FOXN3: variants seen among roughly 807,000 people sequenced by gnomAD.
FOXN3 encodes the protein forkhead box N3, also known as forkhead box protein N3.
FOXN3 carries 7 observed loss-of-function variants against 38.4 expected under a neutral mutation model. The observed-to-expected ratio is 0.18, with a 90% confidence interval of 0.10 to 0.34. The LOEUF (loss-of-function observed/expected upper bound fraction) is 0.34. Ranked by LOEUF, FOXN3 falls within the 10% of genes least tolerant of loss-of-function variation. FOXN3 has a pLI of 1.00. For missense variants in FOXN3, 456 were observed against 613.4 expected, an observed-to-expected ratio of 0.74 and a Z score of 2.71; for synonymous variants, 230 against 242.2, an observed-to-expected ratio of 0.95 and a Z score of 0.47.
chr14:89,462,679 CTCT>C (rs1195134389), intron 1 of FOXN3, among the ~76,000 whole-genome samples: 46 of 151,476 alleles, frequency 3.0e-4, no homozygotes, highest in East Asian at 2.2e-3. Context: ...GTCTCTCTTC[CTCT>C]TCTTCTTTTT....
chr14:89,233,710 T>G (rs1342410922), intron 4 of FOXN3, among the ~76,000 whole-genome samples: 1 of 152,250 alleles, frequency 6.6e-6, no homozygotes, highest in Admixed American at 6.5e-5. Context: ...GAAATCTCAG[T>G]GATCTGGATG....
At chr14:89,476,576 G>A (rs143879057) in intron 1 of FOXN3, among the ~76,000 whole-genome samples, 98 of 152,338 alleles carry the variant, frequency 6.4e-4, no homozygotes, top group Non-Finnish European at 1.1e-3. Context: ...ACATCAGAGT[G>A]AGAGAGAAAT....
chr14:89,182,967 A>G (rs992159692), intron 4 of FOXN3, among the ~76,000 whole-genome samples: 36 of 152,234 alleles, frequency 2.4e-4, no homozygotes, highest in African/African-American at 8.4e-4. Context: ...TTAGAAATGG[A>G]TCATACACCT....
At chr14:89,445,733 T>C (rs961205188) in intron 1 of FOXN3, among the ~76,000 whole-genome samples, 2 of 152,030 alleles carry the variant, frequency 1.3e-5, no homozygotes, top group Non-Finnish European at 2.9e-5. Context: ...TCTCCCACAC[T>C]GTGTGGAGGA....
intron 1 of FOXN3, among the ~76,000 whole-genome samples, chr14:89,497,947 C>A (rs1202372256): frequency 6.6e-6 from 1 of 151,654 alleles, no homozygotes; most frequent in East Asian, 1.9e-4. Flanking sequence ...TGTTAGCCAT[C>A]CTAATAGGTA....
At chr14:89,172,341 C>T (rs1227268392) in intron 5 of FOXN3, among the ~76,000 whole-genome samples, 1 of 152,196 alleles carries the variant, frequency 6.6e-6, no homozygotes, top group African/African-American at 2.4e-5. Flanking sequence ...CCCGCCTCAG[C>T]CTCCTGAGTA....
At chr14:89,398,249 T>C (rs573565276) in intron 2 of FOXN3, among the ~76,000 whole-genome samples, 10 of 152,298 alleles carry the variant, frequency 6.6e-5, no homozygotes, top group African/African-American at 1.7e-4. Flanking sequence ...AGTAATTATA[T>C]TTTCCCCTAT....
At chr14:89,453,484 C>T (rs1277279537) in intron 1 of FOXN3, among the ~76,000 whole-genome samples, 3 of 137,320 alleles carry the variant, frequency 2.2e-5, no homozygotes, top group African/African-American at 8.3e-5. Context: ...GGTGTGAACC[C>T]GGCAGGCAAA....
At chr14:89,551,772 C>G (rs919735086) in intron 1 of FOXN3, among the ~76,000 whole-genome samples, 55 of 152,296 alleles carry the variant, frequency 3.6e-4, no homozygotes, top group African/African-American at 1.3e-3. Context: ...TGCCCCCACC[C>G]CTACCGTTCC....
chr14:89,287,201 T>C (rs898998411), intron 3 of FOXN3, among the ~76,000 whole-genome samples: 1 of 152,180 alleles, frequency 6.6e-6, no homozygotes, highest in African/African-American at 2.4e-5. Context: ...TCGTTCAGAC[T>C]GGAGTGCAGT....
chr14:89,517,475 G>T (rs946456960), intron 1 of FOXN3, among the ~76,000 whole-genome samples: 12 of 152,192 alleles, frequency 7.9e-5, no homozygotes, highest in Non-Finnish European at 8.8e-5. Context: ...AGGCAAAGGG[G>T]AAGCAGGCTC....
rs201853361 is a variant in FOXN3 at position 89,162,650 on chromosome 14, C to T, written c.1171G>A (p.Gly391Arg). 2.9e-5 allele frequency: 47 copies of T among 1,613,748 alleles called. No individual in the cohort carries two copies. The highest frequency in any genetic ancestry group is 6.7e-5 in the African/African-American group (5 of 74,818). ...CGCTTCTTGTGCTGGGATGCGTACC[C>T]GCTGTCCCCCAGAGAATCCTTGGGC... ...KEPKDSLGDS[G>R]YASQHKKRQH... The change falls in exon 6 of 6, where the codon GGG becomes AGG. Residue 391 changes from glycine to arginine, a missense_variant. Gly to Arg is a moderately radical substitution (Grantham distance 125). Transcript: ENST00000557258. The surrounding 1 kb of genome is among the most constrained non-coding windows in gnomAD (Gnocchi z 7.2).
intron 2 of FOXN3, among the ~76,000 whole-genome samples, chr14:89,396,803 G>T (rs1281474897): frequency 7.0e-6 from 1 of 141,880 alleles, no homozygotes; most frequent in African/African-American, 2.7e-5. Context: ...CTGCACTCCA[G>T]CCTGGGCAAC....
In FOXN3 at chr14:89,611,602, C is replaced by G. The variant is rs371261442; in HGVS notation, c.-15+7426G>C. ...CGGGCGGATCACAAGGTCAGGAGATCGAGACCATCCTGGTTAACACGGTGA... is the reference window on the plus strand; with the variant it reads ...CGGGCGGATCACAAGGTCAGGAGATGGAGACCATCCTGGTTAACACGGTGA... On this transcript the variant is annotated intron_variant, in intron 1 of 6. Coordinates refer to the FOXN3 transcript ENST00000345097. Among the ~76,000 whole-genome samples, 645 of 152,140 alleles carry G rather than the reference C, an allele frequency of 4.2e-3. 4 individuals carry two copies. Among genetic ancestry groups the G allele is most frequent in the African/African-American group, 0.015 (614 of 41,508 alleles).
At chr14:89,615,674 C>T (rs1896481459) in intron 1 of FOXN3, among the ~76,000 whole-genome samples, 1 of 152,192 alleles carries the variant, frequency 6.6e-6, no homozygotes, top group Admixed American at 6.5e-5. Context: ...GATAAGAAAG[C>T]TCCCTACAGG....
chr14:89,437,866 G>T (rs540630971), intron 1 of FOXN3, among the ~76,000 whole-genome samples: 46 of 152,190 alleles, frequency 3.0e-4, no homozygotes, highest in Non-Finnish European at 5.6e-4. Flanking sequence ...TGGGGGTCAG[G>T]ACTAGAACCC....
intron 2 of FOXN3, among the ~76,000 whole-genome samples, chr14:89,359,217 A>C (rs1596213733): frequency 6.6e-6 from 1 of 151,902 alleles, no homozygotes; most frequent in Middle Eastern, 3.4e-3. Context: ...AATCGCTTGA[A>C]CCCAGGAGGT....
In FOXN3 at chr14:89,162,326, A is replaced by T; in HGVS notation, c.*88T>A. The stretch of plus-strand genomic sequence containing the variant: ...CCAAAAACAAGAAAAAAGAAAAAAA[A>T]TTGCTGATATTGCCACAAATCATTA... On this transcript the variant is annotated 3_prime_UTR_variant, in exon 6 of 6. Coordinates refer to ENST00000557258, the MANE Select transcript of FOXN3 (RefSeq NM_005197.4). This position sits in a 1 kb window ranked among gnomAD's most constrained non-coding sequence, Gnocchi z 7.2. The T allele has an allele frequency of 1.8e-6, 2 of 1,132,096 alleles. No homozygotes were observed. Among genetic ancestry groups the T allele is most frequent in the Non-Finnish European group, 1.2e-6 (1 of 818,712 alleles). 70.1% of individuals were successfully genotyped at this position (1,132,096 alleles called of 1,614,324 possible).
intron 1 of FOXN3, among the ~76,000 whole-genome samples, chr14:89,570,296 G>T (rs548645285): frequency 1.3e-5 from 2 of 152,112 alleles, no homozygotes; most frequent in Non-Finnish European, 2.9e-5. Context: ...ACCGCATCCA[G>T]CCGGTACACT....
Sources: gnomAD v4.1 joint callset for allele counts (sites outside exome capture counted in the v4.1 genomes callset) on GRCh38, gnomAD v4.1.1 for gene constraint, Gnocchi (gnomAD v3.1) non-coding constraint, MANE v1.5 for transcripts, NCBI Gene and HGNC (gene_info 2026-07-23, HGNC 2026-07-21) for gene names.